MEGF9: variants seen among roughly 807,000 people sequenced by gnomAD.
MEGF9 encodes multiple epidermal growth factor-like domains protein 9.
In MEGF9, 6 loss-of-function variants were observed where a neutral mutation model predicts 46.8. That is an observed-to-expected ratio of 0.13 (90% CI 0.07 to 0.25). MEGF9 has a LOEUF of 0.25. MEGF9 is among the 10% of genes least tolerant of loss of function. The pLI, the probability that MEGF9 is intolerant of heterozygous loss-of-function variation, is 1.00. For synonymous variants in MEGF9, 302 were observed against 330.7 expected, an observed-to-expected ratio of 0.91 and a Z score of 0.94; for missense variants, 683 against 792.4, an observed-to-expected ratio of 0.86 and a Z score of 1.66.
chr9:120,611,869 G>A (rs201348767), intron 4 of MEGF9, among the ~76,000 whole-genome samples: 23 of 136,088 alleles, frequency 1.7e-4, no homozygotes, highest in East Asian at 1.7e-3. Context: ...GGAAGAAAGA[G>A]AGAGAGAGAG....
intron 4 of MEGF9, among the ~76,000 whole-genome samples, chr9:120,608,406 TTG>T (rs2043429685): frequency 6.6e-6 from 1 of 152,232 alleles, no homozygotes; most frequent in African/African-American, 2.4e-5. Context: ...ACTCTCATAA[TTG>T]TGTTATTCCC....
chr9:120,702,598 G>A (rs906605032), intron 1 of MEGF9, among the ~76,000 whole-genome samples: 6 of 152,180 alleles, frequency 3.9e-5, no homozygotes, highest in African/African-American at 1.2e-4. Flanking sequence ...ACATTTTAAT[G>A]TAAGTTCATA....
Position 120,713,943 on chromosome 9 carries a change from G to A in MEGF9, c.416C>T (p.Ala139Val), listed in dbSNP as rs375707223. ...GGTGGTCGGCGCGGGTCTGGTCGGC[G>A]CCTGAGAGGTGGTCGAAGTGCGTTC... ...AAERTSTTSQ[A>V]PTRPAPTTLS... is the part of the protein sequence containing the mutation. Residue 139 changes from alanine to valine, a missense_variant, in exon 1 of 6, where the codon GCG becomes GTG. Physicochemically the swap from Ala to Val is moderately conservative, Grantham distance 64. Coordinates refer to ENST00000373930, the MANE Select transcript of MEGF9 (RefSeq NM_001080497.3). 3.6e-6 allele frequency: 5 copies of A among 1,376,756 alleles called. No individual in the cohort carries two copies. In the African/African-American group the frequency reaches 6.0e-5, roughly 16 times the overall value. The allele number at this position is 1,376,756 out of a possible 1,614,324, so 85.3% of individuals were successfully genotyped here. A position where few individuals can be genotyped will look rare whatever the true frequency, so the allele number is the denominator to read the frequency against.
At chr9:120,609,761 C>T (rs965315194) in intron 4 of MEGF9, among the ~76,000 whole-genome samples, 20 of 152,222 alleles carry the variant, frequency 1.3e-4, no homozygotes, top group Admixed American at 6.5e-4. Flanking sequence ...ATTATAATTA[C>T]ACTAACAGGA....
intron 4 of MEGF9, among the ~76,000 whole-genome samples, chr9:120,610,676 C>T (rs1460002659): frequency 2.0e-5 from 3 of 152,136 alleles, no homozygotes; most frequent in African/African-American, 7.2e-5. Flanking sequence ...GGTGCATCCA[C>T]TATACATAAA....
chr9:120,674,343 C>G (rs145252237), intron 1 of MEGF9, among the ~76,000 whole-genome samples: 2 of 152,124 alleles, frequency 1.3e-5, no homozygotes, highest in African/African-American at 2.4e-5. Flanking sequence ...AGAAACTTTA[C>G]CAAAGAAGAT....
intron 1 of MEGF9, among the ~76,000 whole-genome samples, chr9:120,665,053 T>C (rs1266358549): frequency 6.7e-6 from 1 of 149,038 alleles, no homozygotes. Flanking sequence ...TTTGAAAATA[T>C]AGAGTAAATT....
chr9:120,612,977 C>T (rs531156342), intron 3 of MEGF9, among the ~76,000 whole-genome samples: 106 of 144,038 alleles, frequency 7.4e-4, no homozygotes, highest in Admixed American at 1.5e-3. Flanking sequence ...GCTGGGACTA[C>T]AGGAGCATGC....
chr9:120,646,767 C>T (rs1377985516), intron 2 of MEGF9, among the ~76,000 whole-genome samples: 1 of 152,106 alleles, frequency 6.6e-6, no homozygotes, highest in East Asian at 1.9e-4. Flanking sequence ...TATCTTTTAT[C>T]TCTCACAAGG....
intron 3 of MEGF9, among the ~76,000 whole-genome samples, chr9:120,619,989 T>C (rs1160130463): frequency 1.3e-5 from 2 of 152,214 alleles, no homozygotes; most frequent in Admixed American, 6.5e-5. Flanking sequence ...AGAGTGGTTT[T>C]ATATAAAGCT....
chr9:120,693,585 C>T (rs1001119846), intron 1 of MEGF9, among the ~76,000 whole-genome samples: 4 of 152,170 alleles, frequency 2.6e-5, no homozygotes, highest in Non-Finnish European at 5.9e-5. Flanking sequence ...TCTAAAACAG[C>T]AAGTTTAAGT....
At chr9:120,627,397 G>A (rs1295144270) in intron 2 of MEGF9, among the ~76,000 whole-genome samples, 3 of 152,076 alleles carry the variant, frequency 2.0e-5, no homozygotes, top group Non-Finnish European at 2.9e-5. Flanking sequence ...TATATTTTTA[G>A]GTATCACATT....
At chr9:120,638,864 T>A (rs974779448) in intron 2 of MEGF9, among the ~76,000 whole-genome samples, 4 of 152,226 alleles carry the variant, frequency 2.6e-5, no homozygotes, top group African/African-American at 9.6e-5. Context: ...TCTCCCAAGC[T>A]GGAATACAGT....
chr9:120,699,257 A>G (rs1407935801), intron 1 of MEGF9, among the ~76,000 whole-genome samples: 1 of 152,222 alleles, frequency 6.6e-6, no homozygotes, highest in African/African-American at 2.4e-5. Context: ...TTTCATAACA[A>G]GCAAGTGATC....
At chr9:120,627,469 C>CT (rs939019096) in intron 2 of MEGF9, among the ~76,000 whole-genome samples, 25 of 151,856 alleles carry the variant, frequency 1.6e-4, no homozygotes, top group Admixed American at 3.3e-4. Context: ...TTTCCTTTTT[C>CT]TTTTTTTTGA....
At chr9:120,656,591 A>C (rs1428427173) in intron 2 of MEGF9, among the ~76,000 whole-genome samples, 1 of 151,866 alleles carries the variant, frequency 6.6e-6, no homozygotes, top group Non-Finnish European at 1.5e-5. Flanking sequence ...AATGCACATC[A>C]AGTAGTTAGT....
intron 3 of MEGF9, among the ~76,000 whole-genome samples, chr9:120,621,167 T>C (rs991393811): frequency 1.3e-5 from 2 of 152,248 alleles, no homozygotes; most frequent in African/African-American, 4.8e-5. Context: ...TGTTTTATAT[T>C]GCTTAGGGTT....
chr9:120,711,863 A>ACACACACC (rs1430507631), intron 1 of MEGF9, among the ~76,000 whole-genome samples: 2 of 149,796 alleles, frequency 1.3e-5, no homozygotes, highest in African/African-American at 2.5e-5. Context: ...ACACACACAC[A>ACACACACC]CACACACACC....
intron 2 of MEGF9, among the ~76,000 whole-genome samples, chr9:120,652,213 T>G: frequency 1.8e-5 from 2 of 110,346 alleles, no homozygotes; most frequent in Non-Finnish European, 3.5e-5. Context: ...AGGTCAGGCA[T>G]GGTGGCTCCT....
Sources: allele counts gnomAD v4.1 joint callset (sites outside exome capture counted in the v4.1 genomes callset), GRCh38; gene constraint gnomAD v4.1.1; transcripts MANE v1.5; gene names NCBI Gene and HGNC (gene_info 2026-07-23, HGNC 2026-07-21).